CFAP91: variants seen among roughly 807,000 people sequenced by gnomAD.
The protein encoded by CFAP91 is cilia and flagella associated protein 91.
A neutral mutation model predicts 95.9 loss-of-function variants in CFAP91; 85 were observed. The ratio of observed to expected loss-of-function variants is 0.89; its 90% CI spans 0.74 to 1.06. The LOEUF (loss-of-function observed/expected upper bound fraction) is 1.06. Among genes scored for constraint, CFAP91 ranks in the 50% least tolerant of loss-of-function variants. The pLI, the probability that CFAP91 is intolerant of heterozygous loss-of-function variation, is 0.00. For missense variants in CFAP91, 962 were observed against 943.4 expected (o/e 1.02, Z -0.26); for synonymous variants, 335 against 327.5 (o/e 1.02, Z -0.25).
In CFAP91 at chr3:119,737,366, G is replaced by T; in HGVS notation, c.1345G>T (p.Ala449Ser). The change falls in exon 11 of 18, where the codon GCA becomes TCA. Residue 449 changes from alanine (A) to serine (S), a missense_variant and splice_region_variant. By Grantham distance (99) the Ala-to-Ser change is moderately conservative. Transcript: ENST00000273390. Reference protein sequence around the residue: ...LDYELAEVHKALLDKKNKVLE... With the variant: ...LDYELAEVHKSLLDKKNKVLE... ...ATTATATTAATTGGCATTATTTCAG[G>T]CACTGTTGGATAAGAAGAATAAAGT... 6.5e-7 allele frequency: 1 copy of T among 1,544,004 alleles called. No individual in the cohort carries two copies. Among genetic ancestry groups the T allele is most frequent in the Non-Finnish European group, 8.8e-7 (1 of 1,136,104 alleles).
intron 17 of CFAP91, among the ~76,000 whole-genome samples, chr3:119,758,268 C>G (rs1475452340): frequency 6.6e-6 from 1 of 152,120 alleles, no homozygotes; most frequent in Non-Finnish European, 1.5e-5. Context: ...TTGCTGCAGA[C>G]TTGGTAATAT....
At chr3:119,713,614 T>C (rs2053517067) in intron 5 of CFAP91, among the ~76,000 whole-genome samples, 1 of 152,132 alleles carries the variant, frequency 6.6e-6, no homozygotes, top group African/African-American at 2.4e-5. Flanking sequence ...TTGGTTTTTT[T>C]CTTATTCTAG....
Position 119,749,574 on chromosome 3 carries a change from T to C in CFAP91, c.2144-1363T>C, listed in dbSNP as rs985871786. 9.3e-5 allele frequency among the ~76,000 whole-genome samples: 14 copies of C among 151,268 alleles called. No homozygotes were observed. In the Middle Eastern group the frequency reaches 0.024, roughly 257 times the overall value. ...GTGATCCCCTCTCCCATGTTGGGAGTCTGAGTTGAGGATTTGGAGGAAGAC... is the reference window on the plus strand; with the variant it reads ...GTGATCCCCTCTCCCATGTTGGGAGCCTGAGTTGAGGATTTGGAGGAAGAC... On this transcript the variant is annotated intron_variant, in intron 16 of 17. Transcript: ENST00000273390.
Position 119,766,027 on chromosome 3 carries a change from G to A in CFAP91, c.*977G>A, listed in dbSNP as rs2107930920. The stretch of plus-strand genomic sequence containing the variant: ...AGATGCAGGCTGAAAAGAAAAGGAA[G>A]TGGGCTAAGATGGGAAAAATATAAA... On this transcript the variant is annotated 3_prime_UTR_variant, in exon 18 of 18. Transcript: ENST00000273390. The A allele has an allele frequency of 6.6e-6, 1 of 152,238 alleles. No homozygotes were observed. The highest frequency in any genetic ancestry group is 2.4e-5 in the African/African-American group (1 of 41,498). 9.4% of individuals were successfully genotyped at this position (152,238 alleles called of 1,614,324 possible). A position where few individuals can be genotyped will look rare whatever the true frequency, so the allele number is the denominator to read the frequency against.
At chr3:119,726,449 C>A in intron 7 of CFAP91, 101 bp downstream of exon 7, 1 of 1,131,404 alleles carries the variant, frequency 8.8e-7, no homozygotes, top group Non-Finnish European at 1.2e-6. Flanking sequence ...GGTTGAAAAG[C>A]AATCCTCAAC....
intron 15 of CFAP91, 168 bp from the exon 16 acceptor site, chr3:119,747,643 T>C (rs2054248556): frequency 3.1e-6 from 2 of 636,910 alleles, no homozygotes; most frequent in Non-Finnish European, 5.2e-6. Flanking sequence ...TCCAAATTTT[T>C]TTGTGGAGTT....
At chr3:119,761,398 G>T (rs1409076898) in intron 17 of CFAP91, among the ~76,000 whole-genome samples, 1 of 151,724 alleles carries the variant, frequency 6.6e-6, no homozygotes, top group Non-Finnish European at 1.5e-5. Flanking sequence ...TCCCAGGCAG[G>T]ACCCAATGGC....
chr3:119,733,796 A>G (rs1218884284), intron 10 of CFAP91, among the ~76,000 whole-genome samples: 1 of 152,176 alleles, frequency 6.6e-6, no homozygotes, highest in African/African-American at 2.4e-5. Flanking sequence ...ACTAAGGTGT[A>G]GCAAGTTTCT....
At position 119,755,691 on chromosome 3, in the gene CFAP91, G is replaced by A. The variant is rs537249895; in HGVS notation, c.*1+4593G>A. The stretch of plus-strand genomic sequence containing the variant: ...TAAGCTATCCAATCTATGGTATTTT[G>A]TTATGACAGCCTGAGCTAAGACACT... On this transcript the variant is annotated intron_variant, in intron 17 of 17. Transcript: ENST00000273390. 1.4e-4 allele frequency among the ~76,000 whole-genome samples: 22 copies of A among 152,334 alleles called. No individual in the cohort carries two copies. In the South Asian group the frequency reaches 4.1e-3, roughly 29 times the overall value.
intron 4 of CFAP91, among the ~76,000 whole-genome samples, chr3:119,709,180 A>T (rs760338973): frequency 1.3e-5 from 2 of 152,238 alleles, no homozygotes; most frequent in Non-Finnish European, 2.9e-5. Context: ...TGTAATAACC[A>T]TATACTCAAA....
At chr3:119,754,285 T>C (rs1208747660) in intron 17 of CFAP91, among the ~76,000 whole-genome samples, 1 of 152,226 alleles carries the variant, frequency 6.6e-6, no homozygotes, top group African/African-American at 2.4e-5. Flanking sequence ...ATTGGATATT[T>C]AGCTGAGGAT....
chr3:119,716,817 C>G (rs2053583734), intron 6 of CFAP91, among the ~76,000 whole-genome samples: 1 of 152,064 alleles, frequency 6.6e-6, no homozygotes, highest in Non-Finnish European at 1.5e-5. Context: ...GTCTCGATCC[C>G]CTGACCTCGT....
intron 17 of CFAP91, among the ~76,000 whole-genome samples, chr3:119,759,106 C>A (rs531898433): frequency 3.3e-5 from 5 of 152,080 alleles, no homozygotes; most frequent in African/African-American, 1.2e-4. Flanking sequence ...AAAAGTTTAT[C>A]ATTCCTTACT....
At chr3:119,750,619 C>A in intron 16 of CFAP91, 1 of 341,576 alleles carries the variant, frequency 2.9e-6, no homozygotes, top group Non-Finnish European at 5.5e-6. Context: ...AACTCAAGTG[C>A]GGTAAGTGGT....
chr3:119,726,418 A>G, intron 7 of CFAP91, 70 bp downstream of exon 7: 4 of 1,395,526 alleles, frequency 2.9e-6, no homozygotes, highest in Non-Finnish European at 3.9e-6. Context: ...TATATCTGCA[A>G]AGCATTCTCC....
chr3:119,719,784 A>G (rs1298780240), intron 6 of CFAP91, among the ~76,000 whole-genome samples: 2 of 152,188 alleles, frequency 1.3e-5, no homozygotes, highest in East Asian at 1.9e-4. Context: ...CGAGAGTGCT[A>G]TGAATATCTT....
chr3:119,714,321 G>A (rs1334268950), intron 5 of CFAP91, among the ~76,000 whole-genome samples: 5 of 148,662 alleles, frequency 3.4e-5, no homozygotes, highest in African/African-American at 1.0e-4. Context: ...AGCCGAGATC[G>A]CGCTACTGCA....
intron 16 of CFAP91, 50 bp from the exon 17 acceptor site, chr3:119,750,887 G>A: frequency 1.2e-6 from 2 of 1,602,204 alleles, no homozygotes; most frequent in Non-Finnish European, 1.7e-6. Flanking sequence ...ATTTGGGAAT[G>A]GTTTTGTTCA....
At chr3:119,721,444 A>G (rs1323148949) in intron 6 of CFAP91, among the ~76,000 whole-genome samples, 1 of 152,248 alleles carries the variant, frequency 6.6e-6, no homozygotes, top group African/African-American at 2.4e-5. Context: ...CATTATCACT[A>G]CTATTTAACA....
Sources: gnomAD v4.1 joint callset for allele counts (sites outside exome capture counted in the v4.1 genomes callset) on GRCh38, gnomAD v4.1.1 for gene constraint, MANE v1.5 for transcripts, NCBI Gene and HGNC (gene_info 2026-07-23, HGNC 2026-07-21) for gene names.